Variants in TBK1 observed in about 807,000 individuals in gnomAD.
TBK1 encodes the protein TANK binding kinase 1.
TBK1 carries 37 observed loss-of-function variants against 99.9 expected under a neutral mutation model. That is an observed-to-expected ratio of 0.37 (90% confidence interval 0.28 to 0.49). TBK1 has a LOEUF of 0.49. Ranked by LOEUF, TBK1 falls within the 20% of genes least tolerant of loss-of-function variation. The probability of loss-of-function intolerance (pLI) is 0.98; values close to 1 mark genes in which losing one functional copy is unlikely to be tolerated. For synonymous variants in TBK1, 258 were observed against 279.8 expected (o/e 0.92, Z 0.78); for missense variants, 644 against 872.5 (o/e 0.74, Z 3.30).
intron 13 of TBK1, among the ~76,000 whole-genome samples, chr12:64,492,935 G>A (rs1157333060): frequency 9.3e-6 from 1 of 107,606 alleles, no homozygotes; most frequent in Admixed American, 1.1e-4. Flanking sequence ...TTGCTCTTTT[G>A]CCCAGGCTGG....
At chr12:64,487,420 C>T (rs1030854159) in intron 11 of TBK1, among the ~76,000 whole-genome samples, 2 of 152,058 alleles carry the variant, frequency 1.3e-5, no homozygotes, top group Non-Finnish European at 2.9e-5. Flanking sequence ...TTTTTAGGCT[C>T]CTTTTTTTTT....
chr12:64,462,147 G>T (rs10784411), intron 3 of TBK1, among the ~76,000 whole-genome samples: 136,455 of 152,202 alleles, frequency 0.9, 61,416 homozygotes, highest in Admixed American at 0.94. Context: ...ATCATGCTGT[G>T]AGACTCTCCA....
intron 6 of TBK1, among the ~76,000 whole-genome samples, chr12:64,474,694 C>T (rs1197396204): frequency 1.3e-5 from 2 of 152,150 alleles, no homozygotes; most frequent in Admixed American, 1.3e-4. Context: ...ACTCTGCATA[C>T]TTGTCAGCAC....
chr12:64,471,714 A>G (rs981903405), intron 5 of TBK1, among the ~76,000 whole-genome samples: 2 of 152,190 alleles, frequency 1.3e-5, no homozygotes, highest in East Asian at 3.9e-4. Context: ...AAAACCTTGG[A>G]GTAGCTTTAT....
intron 6 of TBK1, among the ~76,000 whole-genome samples, chr12:64,479,453 A>T (rs561171924): frequency 6.6e-6 from 1 of 152,352 alleles, no homozygotes; most frequent in East Asian, 1.9e-4. Flanking sequence ...TTTTAAAAAA[A>T]TAATTAATTT....
chr12:64,471,981 A>G (rs1045136922), intron 5 of TBK1, among the ~76,000 whole-genome samples: 1 of 152,118 alleles, frequency 6.6e-6, no homozygotes, highest in Non-Finnish European at 1.5e-5. Context: ...TCCAGAAGGC[A>G]TCAGACATAT....
intron 9 of TBK1, among the ~76,000 whole-genome samples, chr12:64,484,859 A>G (rs1031268288): frequency 5.3e-5 from 8 of 152,212 alleles, no homozygotes; most frequent in African/African-American, 1.7e-4. Flanking sequence ...AATTTTATAA[A>G]TTACTATAGT....
chr12:64,501,255 A>G (rs538884383), intron 20 of TBK1, 75 bp from the exon 21 acceptor site: 4 of 1,392,794 alleles, frequency 2.9e-6, no homozygotes, highest in African/African-American at 1.4e-5. Flanking sequence ...TCTGAAAAGT[A>G]TTTTAAGGTT....
At chr12:64,486,064 G>A in intron 11 of TBK1, 47 bp downstream of exon 11, 1 of 1,323,548 alleles carries the variant, frequency 7.6e-7, no homozygotes, top group South Asian at 1.4e-5. Context: ...TGTAGACCTT[G>A]CCCCATCATT....
At chr12:64,453,733 G>A (rs1370668655) in intron 1 of TBK1, among the ~76,000 whole-genome samples, 1 of 152,154 alleles carries the variant, frequency 6.6e-6, no homozygotes, top group African/African-American at 2.4e-5. Context: ...GTTTAAGGGG[G>A]CATGGTGGGA....
chr12:64,470,675 A>G (rs1354050473), intron 5 of TBK1, among the ~76,000 whole-genome samples: 1 of 152,220 alleles, frequency 6.6e-6, no homozygotes, highest in Non-Finnish European at 1.5e-5. Context: ...CAGGCTATAT[A>G]TAGGAGGATC....
chr12:64,467,198 T>G (rs2040615504), intron 5 of TBK1, 116 bp downstream of exon 5: 1 of 774,894 alleles, frequency 1.3e-6, no homozygotes. Context: ...AAAAATTAAA[T>G]TTTCTATTCT....
At chr12:64,472,343 A>C (rs2040671456) in intron 5 of TBK1, among the ~76,000 whole-genome samples, 3 of 143,106 alleles carry the variant, frequency 2.1e-5, no homozygotes, top group African/African-American at 7.9e-5. Flanking sequence ...AGCCCCTCCC[A>C]GCAGCATTTC....
At position 64,488,567 on chromosome 12, in the gene TBK1, A is replaced by G; in HGVS notation, c.1421A>G (p.Asn474Ser). 1 of 1,603,656 alleles carries G rather than the reference A, an allele frequency of 6.2e-7. No individual in the cohort carries two copies. Among genetic ancestry groups the G allele is most frequent in the Non-Finnish European group, 8.5e-7 (1 of 1,175,638 alleles). Residue 474 changes from asparagine (N) to serine (S), a missense_variant, in exon 12 of 21, where the codon AAC becomes AGC. Physicochemically the swap from Asn to Ser is conservative, Grantham distance 46. Around this residue, in one of 3 missense-constraint regions of TBK1, gnomAD observed 465 missense variants for 588.0 expected, o/e 0.79. Transcript: ENST00000331710. The stretch of plus-strand genomic sequence containing the variant: ...ATCACATTGGATTTCTGTATCAGAA[A>G]CATTGAAAAAACTGTGAAAGTGTGA... ...VVITLDFCIR[N>S]IEKTVKVYEK...
chr12:64,492,638 G>T (rs2040881017), intron 13 of TBK1, among the ~76,000 whole-genome samples: 1 of 152,092 alleles, frequency 6.6e-6, no homozygotes, highest in Non-Finnish European at 1.5e-5. Context: ...AAGCATAGAT[G>T]ACTAAATAGC....
chr12:64,454,937 A>C lies in TBK1; in HGVS notation c.-31-903A>C, dbSNP rs377220117. 3.4e-4 allele frequency among the ~76,000 whole-genome samples: 52 copies of C among 150,732 alleles called. No individual in the cohort carries two copies. In the East Asian group the frequency reaches 8.8e-3, roughly 25 times the overall value. ...CGTGATCCGCCCGCCTCGGCCTCCCAAAGTGCTGGGATTACAGGCGTGAGC... is the reference window on the plus strand; with the variant it reads ...CGTGATCCGCCCGCCTCGGCCTCCCCAAGTGCTGGGATTACAGGCGTGAGC... On this transcript the variant is annotated intron_variant, in intron 1 of 20. Coordinates refer to ENST00000331710, the MANE Select transcript of TBK1 (RefSeq NM_013254.4).
Position 64,490,022 on chromosome 12 carries a change from CTT to C in TBK1, c.1443-16_1443-15del, listed in dbSNP as rs765559288. ...ATTGATTATACTCATTTAATTTTCT[CTT>C]TTGACTTTTCATACAGATATGAAAA... is the stretch of plus-strand genomic sequence containing the variant. On this transcript the variant is annotated splice_polypyrimidine_tract_variant and intron_variant, in intron 12 of 20. Coordinates refer to ENST00000331710, the MANE Select transcript of TBK1 (RefSeq NM_013254.4). 6.4e-6 allele frequency: 10 copies of C among 1,561,934 alleles called. No homozygotes were observed. The African/African-American group carries it at 1.2e-4, about 19-fold the overall frequency.
intron 6 of TBK1, among the ~76,000 whole-genome samples, chr12:64,476,394 G>A (rs190672105): frequency 1.4e-4 from 21 of 151,930 alleles, no homozygotes; most frequent in East Asian, 5.8e-4. Context: ...TCCTGACCTC[G>A]TGATCCACCC....
intron 9 of TBK1, 112 bp from the exon 10 acceptor site, chr12:64,485,343 A>G: frequency 4.0e-6 from 2 of 499,802 alleles, no homozygotes; most frequent in South Asian, 7.0e-5. Flanking sequence ...CGAAAACTAC[A>G]TTACAGATTT....
Sources: gnomAD v4.1 joint callset for allele counts (sites outside exome capture counted in the v4.1 genomes callset) on GRCh38, gnomAD v4.1.1 for gene constraint, gnomAD v4.1.1 regional missense constraint, MANE v1.5 for transcripts, NCBI Gene and HGNC (gene_info 2026-07-23, HGNC 2026-07-21) for gene names.